The following FBXL5 variants were observed in gnomAD, a reference collection of about 807,000 sequenced individuals.
FBXL5 encodes the protein F-box and leucine rich repeat protein 5.
Under a neutral mutation model 78.3 loss-of-function variants are expected in FBXL5, and 26 were observed. That is an observed-to-expected ratio of 0.33 (90% CI 0.24 to 0.46). FBXL5 has a LOEUF of 0.46. Among genes scored for constraint, FBXL5 ranks in the 20% least tolerant of loss-of-function variants. FBXL5 has a pLI of 1.00. For synonymous variants in FBXL5, 295 were observed against 282.5 expected (o/e 1.04, Z -0.45); for missense variants, 710 against 829.2 (o/e 0.86, Z 1.77).
intron 1 of FBXL5, among the ~76,000 whole-genome samples, chr4:15,652,637 G>C (rs1227594231): frequency 1.3e-5 from 2 of 152,194 alleles, no homozygotes; most frequent in East Asian, 3.9e-4. Flanking sequence ...AAAATAAGTA[G>C]ACTAACATAA....
chr4:15,608,439 A>T (rs1237483955), intron 10 of FBXL5, among the ~76,000 whole-genome samples: 1 of 152,014 alleles, frequency 6.6e-6, no homozygotes, highest in East Asian at 1.9e-4. Context: ...GGCAGAGATA[A>T]TGGGGGAAGA....
chr4:15,675,681 G>A (rs764760884), intron 1 of FBXL5, among the ~76,000 whole-genome samples: 26 of 148,202 alleles, frequency 1.8e-4, no homozygotes, highest in Non-Finnish European at 3.3e-4. Context: ...TCCCAGGTTC[G>A]AGCAATTCTC....
chr4:15,655,100 G>A, intron 1 of FBXL5, 104 bp downstream of exon 1: 17 of 917,256 alleles, frequency 1.9e-5, no homozygotes, highest in Non-Finnish European at 2.4e-5. Context: ...CGCGGCGACG[G>A]CACGGGGCTG....
chr4:15,655,346 T>C lies in FBXL5; in HGVS notation c.-59A>G. ...GGCCGCCGCCTCTCCATAGACACCC[T>C]CGCCGCGGGGCAGAGGCGGCGCGCC... is the stretch of plus-strand genomic sequence containing the variant. On this transcript the variant is annotated 5_prime_UTR_variant, in exon 1 of 11. Coordinates refer to ENST00000341285, the MANE Select transcript of FBXL5 (RefSeq NM_012161.4). The C allele has an allele frequency of 7.9e-7, 1 of 1,271,452 alleles. No homozygotes were observed. Among genetic ancestry groups the C allele is most frequent in the Non-Finnish European group, 1.0e-6 (1 of 976,728 alleles). The allele number at this position is 1,271,452 out of a possible 1,614,324, so 78.8% of individuals were successfully genotyped here. A position where few individuals can be genotyped will look rare whatever the true frequency, so the allele number is the denominator to read the frequency against.
At chr4:15,628,863 C>T (rs942172756) in intron 6 of FBXL5, among the ~76,000 whole-genome samples, 3 of 151,678 alleles carry the variant, frequency 2.0e-5, no homozygotes, top group African/African-American at 7.3e-5. Context: ...AATTTTATTC[C>T]CAAACCATTC....
chr4:15,659,689 A>G (rs774098711), upstream of FBXL5: 1 of 977,812 alleles, frequency 1.0e-6, no homozygotes, highest in Non-Finnish European at 1.2e-6. Context: ...GACAGAGAAG[A>G]GCCTTCCATT....
chr4:15,670,582 A>T (rs763703662), intron 1 of FBXL5, among the ~76,000 whole-genome samples: 1 of 152,150 alleles, frequency 6.6e-6, no homozygotes, highest in Non-Finnish European at 1.5e-5. Flanking sequence ...TGGGATGCAT[A>T]TATAGCCAGT....
chr4:15,625,376 T>C lies in FBXL5; in HGVS notation c.1726A>G (p.Thr576Ala), dbSNP rs1712930643. The C allele has an allele frequency of 6.2e-7, 1 of 1,614,086 alleles. No homozygotes were observed. The highest frequency in any genetic ancestry group is 1.3e-5 in the African/African-American group (1 of 74,942). The change falls in exon 9 of 11, where the codon ACT (threonine) becomes GCT (alanine). Residue 576 changes from threonine (T) to alanine (A), a missense_variant. Physicochemically the swap from Thr to Ala is moderately conservative, Grantham distance 58. This residue lies in a region of FBXL5 where 517 missense variants were observed against 542.9 expected (regional missense o/e 0.95). Coordinates refer to ENST00000341285, the MANE Select transcript of FBXL5 (RefSeq NM_012161.4). ...SSAMCRKAARTRLPRGKDLIY... is the reference protein window; with the variant it reads ...SSAMCRKAARARLPRGKDLIY... ...AAGTCTTTTCCCCTAGGCAATCTAG[T>C]CCTTGCTGCTTTTCTACACATTGCA...
At chr4:15,658,544 G>A (rs975741959), upstream of FBXL5, among the ~76,000 whole-genome samples, 4 of 152,172 alleles carry the variant, frequency 2.6e-5, no homozygotes, top group African/African-American at 4.8e-5. Flanking sequence ...ACAAGAGGAA[G>A]AAAGACCTGT....
chr4:15,655,644 G>C (rs1461439808), upstream of FBXL5, among the ~76,000 whole-genome samples: 1 of 152,206 alleles, frequency 6.6e-6, no homozygotes, highest in African/African-American at 2.4e-5. Flanking sequence ...TGGCGCTCTC[G>C]GCGCTTCTCC....
chr4:15,670,267 G>C (rs537387793), intron 1 of FBXL5, among the ~76,000 whole-genome samples: 1 of 152,230 alleles, frequency 6.6e-6, no homozygotes, highest in South Asian at 2.1e-4. Flanking sequence ...ATTTTCTCTT[G>C]GGTAAATACC....
chr4:15,646,608 C>T (rs1187555225), intron 1 of FBXL5, among the ~76,000 whole-genome samples: 1 of 152,006 alleles, frequency 6.6e-6, no homozygotes, highest in African/African-American at 2.4e-5. Context: ...AGGTTTGTTA[C>T]ATATGTATAC....
Position 15,636,591 on chromosome 4 carries a change from T to C in FBXL5, c.669A>G (p.Gln223=), listed in dbSNP as rs761499165. Residue 223 remains glutamine, a synonymous_variant, in exon 5 of 11, where the codon CAA becomes CAG. Transcript: ENST00000341285. ...TTACTTGACTGCATCGACATAACTC[T>C]TGAGGATTAAGATAGCTGAAAATTG... ...MLSIFSYLNP[Q]ELCRCSQVSM... 3.7e-6 allele frequency: 6 copies of C among 1,613,944 alleles called. No homozygotes were observed. The highest frequency in any genetic ancestry group is 2.2e-5 in the South Asian group (2 of 91,090).
chr4:15,658,939 G>C (rs1286082675), upstream of FBXL5, among the ~76,000 whole-genome samples: 1 of 152,152 alleles, frequency 6.6e-6, no homozygotes, highest in Non-Finnish European at 1.5e-5. Context: ...AGGAGCTTGA[G>C]ATATAAAGTT....
In FBXL5 at chr4:15,653,304, G is replaced by A. The variant is rs147093054; in HGVS notation, c.84+1900C>T. ...GGGAACATTACTGAAAAGACTCTTG[G>A]CTCAGATATCTTGTAAAAAAGCAAC... On this transcript the variant is annotated intron_variant, in intron 1 of 10. Transcript: ENST00000341285. 3.2e-3 allele frequency among the ~76,000 whole-genome samples: 488 copies of A among 152,158 alleles called. 1 individual carries two copies. Among genetic ancestry groups the A allele is most frequent in the Non-Finnish European group, 6.0e-3 (405 of 67,972 alleles).
At chr4:15,607,833 T>C (rs1340016865) in intron 10 of FBXL5, among the ~76,000 whole-genome samples, 1 of 152,212 alleles carries the variant, frequency 6.6e-6, no homozygotes, top group Admixed American at 6.5e-5. Flanking sequence ...TTTTATCAGA[T>C]TAAAATTCCA....
At chr4:15,628,055 C>T in intron 6 of FBXL5, 22 bp from the exon 7 acceptor site, 1 of 1,610,358 alleles carries the variant, frequency 6.2e-7, no homozygotes, top group South Asian at 1.1e-5. Context: ...ATTCAAAAGT[C>T]CAAGAACTTG....
intron 8 of FBXL5, 80 bp downstream of exon 8, chr4:15,626,793 G>A (rs1261183521): frequency 4.0e-6 from 4 of 989,714 alleles, no homozygotes; most frequent in Non-Finnish European, 4.5e-6. Context: ...AAAAATAATA[G>A]TATGATTAAA....
intron 9 of FBXL5, among the ~76,000 whole-genome samples, chr4:15,613,852 T>G (rs1711521785): frequency 6.6e-6 from 1 of 152,204 alleles, no homozygotes; most frequent in South Asian, 2.1e-4. Context: ...TTTGTTTTTT[T>G]TTTTATTTCT....
Sources: gnomAD v4.1 joint callset for allele counts (sites outside exome capture counted in the v4.1 genomes callset) on GRCh38, gnomAD v4.1.1 for gene constraint, gnomAD v4.1.1 regional missense constraint, MANE v1.5 for transcripts, NCBI Gene and HGNC (gene_info 2026-07-23, HGNC 2026-07-21) for gene names.